The following ARHGEF11 variants were observed in gnomAD, a reference collection of about 807,000 sequenced individuals.
The protein encoded by ARHGEF11 is Rho guanine nucleotide exchange factor 11, also known as Rho guanine exchange factor (GEF) 11.
A neutral mutation model predicts 193.7 loss-of-function variants in ARHGEF11; 55 were observed. The observed-to-expected ratio is 0.28, with a 90% CI of 0.23 to 0.36. The LOEUF is 0.36. ARHGEF11 is among the 10% of genes least tolerant of loss of function. The probability of loss-of-function intolerance (pLI) is 1.00; values close to 1 mark genes in which losing one functional copy is unlikely to be tolerated. For synonymous variants in ARHGEF11, 693 were observed against 768.0 expected (o/e 0.90, Z 1.62); for missense variants, 1,723 against 2,005.6 (o/e 0.86, Z 2.69).
rs568935748 is a variant in ARHGEF11 at position 156,947,786 on chromosome 1, C to T, written c.2324G>A (p.Arg775Gln). ...VAGLTQREIDRQEVINELFVT... is the reference protein window; with the variant it reads ...VAGLTQREIDQQEVINELFVT... ...GTTCTCACCATTGATGACCTCTTGCCGGTCAATCTCCCGCTGGGTTAGCCC... is the reference window on the plus strand; with the variant it reads ...GTTCTCACCATTGATGACCTCTTGCTGGTCAATCTCCCGCTGGGTTAGCCC... The change falls in exon 25 of 41, where the codon CGG becomes CAG. Residue 775 changes from arginine (R) to glutamine (Q), a missense_variant. Around this residue, in one of 5 missense-constraint regions of ARHGEF11, gnomAD observed 491 missense variants for 654.5 expected, o/e 0.75. Coordinates refer to ENST00000368194, the MANE Select transcript of ARHGEF11 (RefSeq NM_198236.3). The T allele has an allele frequency of 8.1e-5, 130 of 1,613,382 alleles. No homozygotes were observed. The highest frequency in any genetic ancestry group is 3.5e-4 in the African/African-American group (26 of 75,018).
chr1:156,986,997 C>G (rs1408821092), intron 1 of ARHGEF11, among the ~76,000 whole-genome samples: 2 of 152,202 alleles, frequency 1.3e-5, no homozygotes, highest in African/African-American at 4.8e-5. Flanking sequence ...CTACTAAAGA[C>G]CCCAAACCTT....
chr1:157,011,649 C>T (rs1668555194), intron 1 of ARHGEF11, among the ~76,000 whole-genome samples: 1 of 151,878 alleles, frequency 6.6e-6, no homozygotes, highest in Admixed American at 6.6e-5. Flanking sequence ...AAAAAGACAA[C>T]ACAATTAAAA....
chr1:156,970,770 A>C (rs977697023), intron 8 of ARHGEF11, among the ~76,000 whole-genome samples: 2 of 152,230 alleles, frequency 1.3e-5, no homozygotes, highest in Admixed American at 1.3e-4. Context: ...TAACTCTGAC[A>C]ACACTGTGAT....
At chr1:156,942,669 A>T (rs1032573153) in intron 33 of ARHGEF11, 21 bp downstream of exon 33, 1 of 1,607,926 alleles carries the variant, frequency 6.2e-7, no homozygotes. Flanking sequence ...AGTTACGGGT[A>T]ACCCCTCAAT....
intron 1 of ARHGEF11, among the ~76,000 whole-genome samples, chr1:156,987,634 C>T (rs1665121201): frequency 6.6e-6 from 1 of 152,060 alleles, no homozygotes; most frequent in Admixed American, 6.6e-5. Context: ...ATGTTTGAAA[C>T]CATGTGAGGG....
At chr1:157,046,400 T>C (rs1040960761), upstream of ARHGEF11, among the ~76,000 whole-genome samples, 1 of 152,136 alleles carries the variant, frequency 6.6e-6, no homozygotes, top group Non-Finnish European at 1.5e-5. Context: ...GTTTACCTCT[T>C]TGCGTCCACC....
chr1:157,045,890 C>A (rs533584676), upstream of ARHGEF11, among the ~76,000 whole-genome samples: 1 of 151,118 alleles, frequency 6.6e-6, no homozygotes, highest in African/African-American at 2.4e-5. Context: ...GGGGCGGGGC[C>A]GCAGGCTCCT....
intron 27 of ARHGEF11, 50 bp downstream of exon 27, chr1:156,946,886 T>C: frequency 6.2e-7 from 1 of 1,613,406 alleles, no homozygotes; most frequent in Non-Finnish European, 8.5e-7. Flanking sequence ...AATGAGACCC[T>C]GCCTCCCCCA....
rs561560546 is a variant in ARHGEF11, at chr1:156,995,704, G to A, written c.33-9531C>T. Among the ~76,000 whole-genome samples, 639 of 127,190 alleles carry A rather than the reference G, an allele frequency of 5.0e-3. 4 individuals are homozygous for A. Among genetic ancestry groups the A allele is most frequent in the Admixed American group, 8.5e-3 (108 of 12,774 alleles). 83.4% of individuals were successfully genotyped at this position (127,190 alleles called of 152,430 possible). Reference sequence around the variant, plus strand: ...AGCTCCCTGAGTAGCTGCCCAGCTTGTTTTTTTTTTTTTTTTTTAAATAGA... The same window carrying A: ...AGCTCCCTGAGTAGCTGCCCAGCTTATTTTTTTTTTTTTTTTTTAAATAGA... On this transcript the variant is annotated intron_variant, in intron 1 of 40. Transcript: ENST00000368194.
intron 1 of ARHGEF11, among the ~76,000 whole-genome samples, chr1:157,037,197 T>C (rs1672151650): frequency 6.6e-6 from 1 of 152,146 alleles, no homozygotes; most frequent in African/African-American, 2.4e-5. Context: ...TACCAAAACG[T>C]CTTGGGAATC....
At chr1:156,994,833 T>C (rs1436280426) in intron 1 of ARHGEF11, among the ~76,000 whole-genome samples, 1 of 144,474 alleles carries the variant, frequency 6.9e-6, no homozygotes, top group South Asian at 2.2e-4. Context: ...CAATAACAAA[T>C]GTAGGTAATA....
chr1:156,989,130 G>A (rs1338547207), intron 1 of ARHGEF11, among the ~76,000 whole-genome samples: 2 of 151,986 alleles, frequency 1.3e-5, no homozygotes, highest in Admixed American at 1.3e-4. Flanking sequence ...CTAAACCTGG[G>A]GGTATGGAGG....
chr1:156,977,675 A>G (rs1331211280), intron 6 of ARHGEF11, among the ~76,000 whole-genome samples: 1 of 152,058 alleles, frequency 6.6e-6, no homozygotes, highest in African/African-American at 2.4e-5. Context: ...TAGCCCCACA[A>G]AGTGTTGGAA....
Position 156,948,587 on chromosome 1 carries a change from C to A in ARHGEF11, c.1926-89G>T, listed in dbSNP as rs1423031872. On this transcript the variant is annotated intron_variant, in intron 22 of 40. Coordinates refer to ENST00000368194, the MANE Select transcript of ARHGEF11 (RefSeq NM_198236.3). The surrounding 1 kb of genome is among the most constrained non-coding windows in gnomAD (Gnocchi z 4.2). Reference sequence around the variant, plus strand: ...CTAACTCTTACCTGTGGCTCCATCTCAAAGATGCCTCCGTGCCACAGGTTC... The same window carrying A: ...CTAACTCTTACCTGTGGCTCCATCTAAAAGATGCCTCCGTGCCACAGGTTC... 1.2e-6 allele frequency: 2 copies of A among 1,610,614 alleles called. No individual in the cohort carries two copies. The highest frequency in any genetic ancestry group is 1.7e-6 in the Non-Finnish European group (2 of 1,179,160).
intron 1 of ARHGEF11, among the ~76,000 whole-genome samples, chr1:157,012,127 C>T (rs183819826): frequency 2.6e-5 from 4 of 152,208 alleles, no homozygotes; most frequent in Admixed American, 2.6e-4. Context: ...CATATCCACA[C>T]AATAACATAT....
At chr1:156,972,800 G>A (rs1662679918) in intron 7 of ARHGEF11, among the ~76,000 whole-genome samples, 1 of 151,658 alleles carries the variant, frequency 6.6e-6, no homozygotes, top group Admixed American at 6.6e-5. Context: ...TCCTGGCTCA[G>A]AAGAAAAACT....
At chr1:157,034,171 T>C (rs907745804) in intron 1 of ARHGEF11, among the ~76,000 whole-genome samples, 3 of 152,186 alleles carry the variant, frequency 2.0e-5, no homozygotes, top group Non-Finnish European at 4.4e-5. Flanking sequence ...TCTGTGGTTC[T>C]AGCTGCACAC....
intron 1 of ARHGEF11, among the ~76,000 whole-genome samples, chr1:157,008,149 T>C (rs1284792140): frequency 6.6e-6 from 1 of 152,156 alleles, no homozygotes; most frequent in Non-Finnish European, 1.5e-5. Flanking sequence ...TCTCACAGAA[T>C]TATAAATGAT....
At position 156,945,133 on chromosome 1, in the gene ARHGEF11, A is replaced by T. The variant is rs776447835; in HGVS notation, c.2877T>A (p.Tyr959Ter). Residue 959 changes from tyrosine (Y) to a stop codon, truncating the protein, a stop_gained, in exon 30 of 41, where the codon TAT becomes TAA. Transcript: ENST00000368194. LOFTEE classifies it high-confidence loss of function. ...ARDQCREILK[Y>*]VNEAVKQTEN... ...CTGTTTGTTTTACCGCTTCATTCAC[A>T]TACTTGAGAATCTCCCGGCACTGGT... is the stretch of plus-strand genomic sequence containing the variant. 6.2e-7 allele frequency: 1 copy of T among 1,614,012 alleles called. No homozygotes were observed. The highest frequency in any genetic ancestry group is 8.5e-7 in the Non-Finnish European group (1 of 1,180,030).
Sources: allele counts gnomAD v4.1 joint callset (sites outside exome capture counted in the v4.1 genomes callset), GRCh38; gene constraint gnomAD v4.1.1; regional missense constraint gnomAD v4.1.1; non-coding constraint Gnocchi (gnomAD v3.1); transcripts MANE v1.5; gene names NCBI Gene and HGNC (gene_info 2026-07-23, HGNC 2026-07-21).